The following MED12L variants were observed in gnomAD, a reference collection of about 807,000 sequenced individuals.
The protein encoded by MED12L is mediator of RNA polymerase II transcription subunit 12-like protein.
A neutral mutation model predicts 281.3 loss-of-function variants in MED12L; 60 were observed. The observed-to-expected ratio is 0.21, with a 90% CI of 0.17 to 0.26. The LOEUF (loss-of-function observed/expected upper bound fraction) is 0.26. MED12L is among the 10% of genes least tolerant of loss of function. MED12L has a pLI of 1.00. For missense variants in MED12L, 2,146 were observed against 2,680.9 expected (o/e 0.80, Z 4.41); for synonymous variants, 974 against 987.2 (o/e 0.99, Z 0.25).
intron 43 of MED12L, among the ~76,000 whole-genome samples, chr3:151,418,230 CT>C (rs887741585): frequency 2.1e-4 from 32 of 150,064 alleles, no homozygotes; most frequent in East Asian, 5.8e-4. Context: ...AGTACTTTCA[CT>C]TTTTTTTTTC....
At position 151,394,546 on chromosome 3, in the gene MED12L, C is replaced by T; in HGVS notation, c.5609-110C>T. The T allele has an allele frequency of 6.6e-6, 10 of 1,521,138 alleles. No individual in the cohort carries two copies. The Admixed American group carries it at 8.6e-5, about 13-fold the overall frequency. The allele number at this position is 1,521,138 out of a possible 1,614,324, so 94.2% of individuals were successfully genotyped here. On this transcript the variant is annotated intron_variant, in intron 38 of 44. Transcript: ENST00000687756. ...AGGTGGGACAGTGCATTTTTTTCTA[C>T]TTTGTTCATAAAGTGAGACTTAGAA...
chr3:151,309,117 ACG>A (rs10553433), intron 16 of MED12L, among the ~76,000 whole-genome samples: 22,037 of 126,454 alleles, frequency 0.17, 1,695 homozygotes, highest in Middle Eastern at 0.23. Context: ...CATGAAATAC[ACG>A]CACACACACA....
chr3:151,332,515 ATAG>A (rs1452602081), intron 16 of MED12L, among the ~76,000 whole-genome samples: 2 of 152,232 alleles, frequency 1.3e-5, no homozygotes, highest in African/African-American at 4.8e-5. Context: ...AGTAAGAACA[ATAG>A]TAGAAAATAT....
At chr3:151,322,088 A>T (rs1404167563) in intron 16 of MED12L, among the ~76,000 whole-genome samples, 1 of 152,200 alleles carries the variant, frequency 6.6e-6, no homozygotes, top group Non-Finnish European at 1.5e-5. Context: ...TTCACATGGA[A>T]CATGTTCACT....
chr3:151,127,195 A>G (rs1714667107), intron 4 of MED12L, among the ~76,000 whole-genome samples: 1 of 152,236 alleles, frequency 6.6e-6, no homozygotes, highest in African/African-American at 2.4e-5. Flanking sequence ...TCTGGAAGAC[A>G]TAATTAACTG....
chr3:151,360,291 A>G (rs1222202414), intron 20 of MED12L, among the ~76,000 whole-genome samples, 183 bp from the exon 21 acceptor site: 1 of 152,060 alleles, frequency 6.6e-6, no homozygotes, highest in African/African-American at 2.4e-5. Flanking sequence ...TTTAAAATCT[A>G]TTTCAGTGTC....
chr3:151,435,780 CAT>C lies in MED12L; in HGVS notation c.*2977_*2978del, dbSNP rs1491263593. 1 of 152,072 alleles carries C rather than the reference CAT, an allele frequency of 6.6e-6. No individual in the cohort carries two copies. Among genetic ancestry groups the C allele is most frequent in the Non-Finnish European group, 1.5e-5 (1 of 68,014 alleles). 9.4% of individuals were successfully genotyped at this position (152,072 alleles called of 1,614,324 possible). A position where few individuals can be genotyped will look rare whatever the true frequency, so the allele number is the denominator to read the frequency against. On this transcript the variant is annotated 3_prime_UTR_variant, in exon 45 of 45. Transcript: ENST00000687756. ...ATAAATTCAGTGAATTACAAAAACA[CAT>C]TTTGTGTAGGATTGATCAGATTTTA...
rs190682610 is a variant in MED12L at position 151,110,833 on chromosome 3, C to G, written c.100-5505C>G. Among the ~76,000 whole-genome samples the G allele has an allele frequency of 2.8e-3, 421 of 152,206 alleles. 4 individuals carry two copies. The highest frequency in any genetic ancestry group is 9.4e-3 in the African/African-American group (390 of 41,522). Reference sequence around the variant, plus strand: ...AAGGAAGGGGGTATGGTAGAGAATTCTGAATGGACTTTTCCTCTTGGGATC... The same window carrying G: ...AAGGAAGGGGGTATGGTAGAGAATTGTGAATGGACTTTTCCTCTTGGGATC... On this transcript the variant is annotated intron_variant, in intron 2 of 44. Coordinates refer to ENST00000687756, the MANE Select transcript of MED12L (RefSeq NM_001393769.1).
chr3:151,185,099 G>A (rs1283657867), intron 11 of MED12L, among the ~76,000 whole-genome samples: 1 of 152,120 alleles, frequency 6.6e-6, no homozygotes, highest in Non-Finnish European at 1.5e-5. Context: ...CCACAGGGAA[G>A]CTCTAATTCT....
intron 11 of MED12L, among the ~76,000 whole-genome samples, chr3:151,171,501 G>A (rs1721426891): frequency 6.6e-6 from 1 of 152,198 alleles, no homozygotes; most frequent in South Asian, 2.1e-4. Flanking sequence ...TGAAAAGATG[G>A]AACCGGCTGC....
At chr3:151,343,034 A>G (rs1027939161) in intron 16 of MED12L, among the ~76,000 whole-genome samples, 2 of 151,950 alleles carry the variant, frequency 1.3e-5, no homozygotes, top group Non-Finnish European at 2.9e-5. Context: ...GTATTTGTGT[A>G]TTTCTGTACC....
chr3:151,250,873 C>T (rs182995936), intron 16 of MED12L, among the ~76,000 whole-genome samples: 64 of 152,312 alleles, frequency 4.2e-4, no homozygotes, highest in Admixed American at 5.2e-4. Flanking sequence ...AACCATCTTA[C>T]GTTCCCACCA....
chr3:151,185,264 T>C, intron 11 of MED12L, 66 bp from the exon 12 acceptor site: 1 of 1,540,998 alleles, frequency 6.5e-7, no homozygotes, highest in African/African-American at 1.4e-5. Flanking sequence ...CCTTGCTTGC[T>C]TCCTGCCTCT....
chr3:151,272,993 A>G (rs1362903021), intron 16 of MED12L, among the ~76,000 whole-genome samples: 1 of 152,194 alleles, frequency 6.6e-6, no homozygotes, highest in East Asian at 1.9e-4. Flanking sequence ...CATGACTCTC[A>G]AAAGAAATGT....
chr3:151,429,627 A>T (rs1719249874), intron 43 of MED12L, among the ~76,000 whole-genome samples: 1 of 152,334 alleles, frequency 6.6e-6, no homozygotes, highest in African/African-American at 2.4e-5. Flanking sequence ...AATTTCTTGC[A>T]TCAACTTAAT....
chr3:151,120,946 A>C (rs544753393), intron 3 of MED12L, among the ~76,000 whole-genome samples: 1 of 152,240 alleles, frequency 6.6e-6, no homozygotes, highest in Non-Finnish European at 1.5e-5. Flanking sequence ...ATACATAAAC[A>C]TGCAGTCACT....
chr3:151,388,710 G>T (rs975523039), intron 37 of MED12L, among the ~76,000 whole-genome samples: 1 of 152,078 alleles, frequency 6.6e-6, no homozygotes, highest in Admixed American at 6.6e-5. Context: ...TATAAAAGAT[G>T]AAAATAAGCC....
At chr3:151,190,973 A>T (rs1723900219) in intron 14 of MED12L, 42 bp downstream of exon 14, 4 of 1,552,656 alleles carry the variant, frequency 2.6e-6, no homozygotes, top group Non-Finnish European at 3.5e-6. Flanking sequence ...CAGAAACTAA[A>T]CTCTACTGGG....
chr3:151,261,712 GT>G (rs1291737062), intron 16 of MED12L, among the ~76,000 whole-genome samples: 3 of 113,876 alleles, frequency 2.6e-5, no homozygotes, highest in Non-Finnish European at 5.8e-5. Flanking sequence ...GTTTTGTTTT[GT>G]TTTGTTTTGT....
Sources: allele counts gnomAD v4.1 joint callset (sites outside exome capture counted in the v4.1 genomes callset), GRCh38; gene constraint gnomAD v4.1.1; transcripts MANE v1.5; gene names NCBI Gene and HGNC (gene_info 2026-07-23, HGNC 2026-07-21).